PSIP1: variants seen among roughly 807,000 people sequenced by gnomAD.
PSIP1 encodes the protein PC4 and SFRS1-interacting protein.
In PSIP1, 19 loss-of-function variants were observed where a neutral mutation model predicts 74.7. The observed-to-expected ratio is 0.25, with a 90% CI of 0.18 to 0.37. The LOEUF (loss-of-function observed/expected upper bound fraction) is 0.37. Among genes scored for constraint, PSIP1 ranks in the 10% least tolerant of loss-of-function variants. The probability of loss-of-function intolerance (pLI) is 1.00; values close to 1 mark genes in which losing one functional copy is unlikely to be tolerated. For synonymous variants in PSIP1, 222 were observed against 195.3 expected, an observed-to-expected ratio of 1.14 and a Z score of -1.14; for missense variants, 601 against 614.3, an observed-to-expected ratio of 0.98 and a Z score of 0.23.
At chr9:15,503,362 T>C (rs1440652134) in intron 3 of PSIP1, among the ~76,000 whole-genome samples, 1 of 146,102 alleles carries the variant, frequency 6.8e-6, no homozygotes, top group Non-Finnish European at 1.5e-5. Flanking sequence ...GGAGACTCCA[T>C]CACAAAAAAT....
At chr9:15,487,253 T>TA (rs1365273657) in intron 4 of PSIP1, among the ~76,000 whole-genome samples, 1 of 151,442 alleles carries the variant, frequency 6.6e-6, no homozygotes, top group Non-Finnish European at 1.5e-5. Flanking sequence ...ATTTGGAGGA[T>TA]AAAAAAGACC....
chr9:15,471,966 G>C, intron 10 of PSIP1: 2 of 974,110 alleles, frequency 2.1e-6, no homozygotes. Flanking sequence ...AGGTAACTAG[G>C]AAAGCAAATG....
chr9:15,478,362 T>C, intron 8 of PSIP1, 115 bp downstream of exon 8: 2 of 892,736 alleles, frequency 2.2e-6, no homozygotes, highest in Non-Finnish European at 1.7e-6. Flanking sequence ...TTAAGAAAGA[T>C]CAAAATAATA....
At chr9:15,494,565 C>CAAAAAA (rs57170853) in intron 3 of PSIP1, among the ~76,000 whole-genome samples, 7 of 37,558 alleles carry the variant, frequency 1.9e-4, no homozygotes, top group Non-Finnish European at 2.3e-4. Context: ...AACTGCATCT[C>CAAAAAA]AAAAAAAAAA....
chr9:15,472,740 C>A lies in PSIP1; in HGVS notation c.869G>T (p.Gly290Val). Residue 290 changes from glycine to valine, a missense_variant, in exon 10 of 16, where the codon GGT (glycine) becomes GTT (valine). Coordinates refer to ENST00000380733, the MANE Select transcript of PSIP1 (RefSeq NM_033222.5). ...GTGAGCAGTCTGAAAGTTCCTCCCA[C>A]CTTTTCTCTTCTGTTTTGAGAATTA... ...DDQEGEKKRK[G>V]GRNFQTAHRR... is the part of the protein sequence containing the mutation. The A allele has an allele frequency of 1.2e-6, 2 of 1,604,318 alleles. No individual in the cohort carries two copies. The highest frequency in any genetic ancestry group is 1.7e-6 in the Non-Finnish European group (2 of 1,177,638).
chr9:15,492,170 A>G (rs1587516811), intron 3 of PSIP1: 3 of 152,318 alleles, frequency 2.0e-5, no homozygotes, highest in East Asian at 3.9e-4. Flanking sequence ...CATTAACTCA[A>G]AAGTCCAAGT....
chr9:15,504,888 G>T (rs181916529), intron 3 of PSIP1: 6 of 151,892 alleles, frequency 4.0e-5, no homozygotes, highest in African/African-American at 1.4e-4. Flanking sequence ...CATCTGGAAG[G>T]CTTGTTAAAA....
chr9:15,487,532 G>T (rs147959854), intron 4 of PSIP1, among the ~76,000 whole-genome samples: 29 of 152,164 alleles, frequency 1.9e-4, no homozygotes, highest in African/African-American at 7.0e-4. Context: ...GGAGGCAGAG[G>T]TTGCAGCGAG....
At chr9:15,492,602 G>A (rs1384925233) in intron 3 of PSIP1, among the ~76,000 whole-genome samples, 1 of 152,158 alleles carries the variant, frequency 6.6e-6, no homozygotes, top group Non-Finnish European at 1.5e-5. Context: ...CTCACAGCCA[G>A]TGCCCCAGTG....
intron 3 of PSIP1, among the ~76,000 whole-genome samples, chr9:15,500,431 A>G (rs1052143246): frequency 1.1e-4 from 16 of 152,054 alleles, no homozygotes; most frequent in Non-Finnish European, 1.6e-4. Context: ...CGCCACTGCC[A>G]CTGCACTCCA....
At chr9:15,477,240 G>A (rs1039778159) in intron 8 of PSIP1, among the ~76,000 whole-genome samples, 1 of 152,108 alleles carries the variant, frequency 6.6e-6, no homozygotes, top group Non-Finnish European at 1.5e-5. Flanking sequence ...AAAATTCTAT[G>A]TGTTTATGGT....
At position 15,468,990 on chromosome 9, in the gene PSIP1, C is replaced by G; in HGVS notation, c.1173G>C (p.Gln391His). ...GTGTAGTAATCATCTCTGTGTGTTT[C>G]TGAGCTTGTTGCATTGTGACCTGAA... The part of the protein sequence containing the change: ...ASLQVTMQQA[Q>H]KHTEMITTLK... The change falls in exon 13 of 16, where the codon CAG (glutamine) becomes CAC (histidine). Residue 391 changes from glutamine to histidine, a missense_variant. Around this residue, in one of 2 missense-constraint regions of PSIP1, gnomAD observed 538 missense variants for 507.6 expected, o/e 1.06. Transcript: ENST00000380733. 1 of 1,613,908 alleles carries G rather than the reference C, an allele frequency of 6.2e-7. No homozygotes were observed. Among genetic ancestry groups the G allele is most frequent in the Non-Finnish European group, 8.5e-7 (1 of 1,179,964 alleles).
At chr9:15,478,356 G>T (rs1379883429) in intron 8 of PSIP1, 121 bp downstream of exon 8, 5 of 838,878 alleles carry the variant, frequency 6.0e-6, no homozygotes, top group African/African-American at 3.5e-5. Context: ...GTAATTTTAA[G>T]AAAGATCAAA....
intron 2 of PSIP1, 70 bp from the exon 3 acceptor site, chr9:15,506,707 A>G: frequency 1.7e-6 from 2 of 1,152,210 alleles, no homozygotes; most frequent in Non-Finnish European, 2.5e-6. Context: ...TGAATAAACA[A>G]GAGCACAACA....
intron 3 of PSIP1, among the ~76,000 whole-genome samples, chr9:15,504,119 G>A (rs1199406300): frequency 6.6e-6 from 1 of 152,158 alleles, no homozygotes; most frequent in African/African-American, 2.4e-5. Context: ...CTTTTCCAAA[G>A]ATAAATGGTA....
intron 8 of PSIP1, among the ~76,000 whole-genome samples, chr9:15,475,752 G>A (rs2036048271): frequency 6.6e-6 from 1 of 152,136 alleles, no homozygotes; most frequent in Non-Finnish European, 1.5e-5. Context: ...ACATAAACAT[G>A]ACTATCACTG....
At chr9:15,498,004 C>A (rs1255002186) in intron 3 of PSIP1, among the ~76,000 whole-genome samples, 1 of 152,140 alleles carries the variant, frequency 6.6e-6, no homozygotes, top group African/African-American at 2.4e-5. Context: ...CACTGAATAG[C>A]TAAACCTATT....
At chr9:15,503,365 C>CAAAAAATAAAAAAATA (rs144220807) in intron 3 of PSIP1, among the ~76,000 whole-genome samples, 1 of 147,740 alleles carries the variant, frequency 6.8e-6, no homozygotes, top group Non-Finnish European at 1.5e-5. Flanking sequence ...GACTCCATCA[C>CAAAAAATAAAAAAATA]AAAAAATAAA....
intron 6 of PSIP1, among the ~76,000 whole-genome samples, chr9:15,484,064 G>A (rs1017978418): frequency 2.6e-5 from 4 of 150,968 alleles, no homozygotes; most frequent in Non-Finnish European, 5.9e-5. Context: ...CCCGGGAGGT[G>A]GAGGTTGCAG....
Sources: gnomAD v4.1 joint callset for allele counts (sites outside exome capture counted in the v4.1 genomes callset) on GRCh38, gnomAD v4.1.1 for gene constraint, gnomAD v4.1.1 regional missense constraint, MANE v1.5 for transcripts, NCBI Gene and HGNC (gene_info 2026-07-23, HGNC 2026-07-21) for gene names.